The following EYS variants were observed in gnomAD, a reference collection of about 807,000 sequenced individuals.
EYS encodes the protein EGF-like photoreceptor maintenance factor, also known as protein eyes shut homolog.
EYS carries 250 observed loss-of-function variants against 282.1 expected under a neutral mutation model. That is an observed-to-expected ratio of 0.89 (90% CI 0.80 to 0.98). The LOEUF is 0.98. Ranked by LOEUF, EYS falls within the 50% of genes least tolerant of loss-of-function variation. The pLI is 0.00. For missense variants in EYS, 4,016 were observed against 3,709.0 expected (o/e 1.08, Z -2.15); for synonymous variants, 1,355 against 1,282.9 (o/e 1.06, Z -1.20).
chr6:64,763,689 C>T (rs1308716295), intron 22 of EYS, among the ~76,000 whole-genome samples: 3 of 152,076 alleles, frequency 2.0e-5, no homozygotes, highest in Non-Finnish European at 4.4e-5. Context: ...CTCAAAAGTC[C>T]AAATCCAAAG....
chr6:63,914,462 A>T (rs1764366953), intron 35 of EYS, among the ~76,000 whole-genome samples: 1 of 152,208 alleles, frequency 6.6e-6, no homozygotes, highest in Non-Finnish European at 1.5e-5. Flanking sequence ...TAATCCCAGG[A>T]CTTTGGGAGG....
At position 65,160,729 on chromosome 6, in the gene EYS, C is replaced by T. The variant is rs73768158; in HGVS notation, c.2024-103002G>A. ...TATTTTCCCTTAAAAATTATATTTCCTTAAAAATTCTAGCCAAGAATTCTC... is the reference window on the plus strand; with the variant it reads ...TATTTTCCCTTAAAAATTATATTTCTTTAAAAATTCTAGCCAAGAATTCTC... On this transcript the variant is annotated intron_variant, in intron 12 of 42. Coordinates refer to ENST00000503581, the MANE Select transcript of EYS (RefSeq NM_001142800.2). Among the ~76,000 whole-genome samples the T allele has an allele frequency of 9.0e-3, 1,362 of 150,846 alleles. 15 individuals are homozygous for T. The highest frequency in any genetic ancestry group is 0.031 in the African/African-American group (1,287 of 41,322).
chr6:64,238,774 T>G (rs537551546), intron 30 of EYS, among the ~76,000 whole-genome samples: 1 of 152,324 alleles, frequency 6.6e-6, no homozygotes, highest in South Asian at 2.1e-4. Flanking sequence ...AATTATACTT[T>G]CAAGTTCTAG....
chr6:64,440,285 CTG>C (rs1774896838), intron 26 of EYS, among the ~76,000 whole-genome samples: 1 of 151,830 alleles, frequency 6.6e-6, no homozygotes, highest in Non-Finnish European at 1.5e-5. Context: ...CCTATGTGTG[CTG>C]TCTTTATTTG....
At chr6:65,184,666 CAT>C (rs924568841) in intron 12 of EYS, among the ~76,000 whole-genome samples, 2 of 151,434 alleles carry the variant, frequency 1.3e-5, no homozygotes, top group African/African-American at 2.4e-5. Flanking sequence ...TTAATAATAA[CAT>C]ATTTTTAAAA....
intron 31 of EYS, among the ~76,000 whole-genome samples, chr6:64,175,345 T>TA (rs1404821322): frequency 1.3e-5 from 2 of 152,240 alleles, no homozygotes; most frequent in Non-Finnish European, 2.9e-5. Flanking sequence ...TCTATCCCTT[T>TA]CAGGAAGTTT....
chr6:64,440,675 T>C (rs1774910236), intron 26 of EYS, among the ~76,000 whole-genome samples: 1 of 152,136 alleles, frequency 6.6e-6, no homozygotes, highest in African/African-American at 2.4e-5. Flanking sequence ...AACAAGAAAT[T>C]GTTTTAAAGA....
Position 64,638,605 on chromosome 6 carries a change from G to C in EYS, c.3444-12360C>G, listed in dbSNP as rs898148280. Among the ~76,000 whole-genome samples, 9 of 90,722 alleles carry C rather than the reference G, an allele frequency of 9.9e-5. 2 individuals carry two copies. The Admixed American group carries it at 1.1e-3, about 11-fold the overall frequency. The allele number at this position is 90,722 out of a possible 152,430, so 59.5% of individuals were successfully genotyped here. A position where few individuals can be genotyped will look rare whatever the true frequency, so the allele number is the denominator to read the frequency against. On this transcript the variant is annotated intron_variant, in intron 22 of 42. Coordinates refer to ENST00000503581, the MANE Select transcript of EYS (RefSeq NM_001142800.2). Reference sequence around the variant, plus strand: ...CTAGAATGAGCAAGACATCTTGCCTGTGTTCTTTTTAGACTATCTTCACCC... The same window carrying C: ...CTAGAATGAGCAAGACATCTTGCCTCTGTTCTTTTTAGACTATCTTCACCC...
intron 22 of EYS, among the ~76,000 whole-genome samples, chr6:64,806,133 G>T (rs1388912225): frequency 6.6e-6 from 1 of 151,588 alleles, no homozygotes; most frequent in Non-Finnish European, 1.5e-5. Context: ...CATAAATTTA[G>T]AGTATTACAT....
intron 12 of EYS, among the ~76,000 whole-genome samples, chr6:65,164,862 A>G (rs973220928): frequency 6.6e-6 from 1 of 151,158 alleles, no homozygotes; most frequent in African/African-American, 2.4e-5. Context: ...TCATCTTCAT[A>G]ATGTGTTCTG....
rs141508801 is a variant in EYS at position 63,942,211 on chromosome 6, T to C, written c.7055+42172A>G. On this transcript the variant is annotated intron_variant, in intron 35 of 42. Transcript: ENST00000503581. ...AGAATAACATAAAAGTCTGGATGCA[T>C]TAGACCACTAAAAAATGTCATCATT... 4.5e-3 allele frequency among the ~76,000 whole-genome samples: 688 copies of C among 152,286 alleles called. 4 individuals carry two copies. The highest frequency in any genetic ancestry group is 0.015 in the African/African-American group (632 of 41,548).
Position 65,028,933 on chromosome 6 carries a change from T to C in EYS, c.2137+28681A>G, listed in dbSNP as rs376394551. Among the ~76,000 whole-genome samples the C allele has an allele frequency of 5.1e-3, 777 of 152,236 alleles. 12 individuals are homozygous for C. The South Asian group carries it at 0.06, about 12-fold the overall frequency. On this transcript the variant is annotated intron_variant, in intron 13 of 42. Coordinates refer to ENST00000503581, the MANE Select transcript of EYS (RefSeq NM_001142800.2). Reference sequence around the variant, plus strand: ...GCCTTTATACCTCCCTAAGTATTTGTCTATTTTTCAATTTATTATACATTT... The same window carrying C: ...GCCTTTATACCTCCCTAAGTATTTGCCTATTTTTCAATTTATTATACATTT...
intron 2 of EYS, among the ~76,000 whole-genome samples, chr6:65,561,469 C>G (rs748266565): frequency 6.6e-5 from 10 of 151,928 alleles, no homozygotes; most frequent in Non-Finnish European, 1.0e-4. Flanking sequence ...GAATTCAGAC[C>G]CTCATTATCT....
At chr6:65,558,451 G>A (rs1768904578) in intron 2 of EYS, among the ~76,000 whole-genome samples, 1 of 152,206 alleles carries the variant, frequency 6.6e-6, no homozygotes, top group Admixed American at 6.5e-5. Flanking sequence ...TGCAGGGGCA[G>A]GGGGTTTCCC....
At chr6:65,245,073 T>A (rs1767147692) in intron 12 of EYS, among the ~76,000 whole-genome samples, 1 of 151,676 alleles carries the variant, frequency 6.6e-6, no homozygotes, top group South Asian at 2.1e-4. Flanking sequence ...TAGAATATTC[T>A]TTTGCTGTCA....
chr6:64,507,940 A>G (rs527446810), intron 26 of EYS, among the ~76,000 whole-genome samples: 50 of 152,284 alleles, frequency 3.3e-4, no homozygotes, highest in Admixed American at 3.3e-3. Context: ...AAGCAATACC[A>G]AGGGCTTTGA....
At chr6:64,019,824 G>GTA (rs199565163) in intron 33 of EYS, among the ~76,000 whole-genome samples, 4,222 of 137,986 alleles carry the variant, frequency 0.031, 97 homozygotes, top group Non-Finnish European at 0.043. Context: ...GTATATATAA[G>GTA]TATATATATA....
chr6:64,388,243 ACT>A (rs1249002224), intron 29 of EYS, among the ~76,000 whole-genome samples: 5 of 151,974 alleles, frequency 3.3e-5, no homozygotes, highest in Admixed American at 2.6e-4. Flanking sequence ...TGTGGGAAAA[ACT>A]CTGTAATAAA....
At chr6:63,824,574 C>T (rs1192451964) in intron 36 of EYS, among the ~76,000 whole-genome samples, 1 of 152,186 alleles carries the variant, frequency 6.6e-6, no homozygotes, top group African/African-American at 2.4e-5. Flanking sequence ...TCTGTGAGCA[C>T]CCCAGCTGCG....
Sources: gnomAD v4.1 joint callset for allele counts (sites outside exome capture counted in the v4.1 genomes callset) on GRCh38, gnomAD v4.1.1 for gene constraint, MANE v1.5 for transcripts, NCBI Gene and HGNC (gene_info 2026-07-23, HGNC 2026-07-21) for gene names.